BRD7: variants seen among roughly 807,000 people sequenced by gnomAD.
The protein encoded by BRD7 is bromodomain-containing protein 7.
In BRD7, 15 loss-of-function variants were observed where a neutral mutation model predicts 82.1. The ratio of observed to expected loss-of-function variants is 0.18; its 90% CI spans 0.12 to 0.28. The LOEUF is 0.28. Ranked by LOEUF, BRD7 falls within the 10% of genes least tolerant of loss-of-function variation. The pLI is 1.00. For synonymous variants in BRD7, 232 were observed against 266.9 expected (o/e 0.87, Z 1.27); for missense variants, 638 against 779.9 (o/e 0.82, Z 2.17).
At chr16:50,355,978 C>CA (rs1485078538) in intron 2 of BRD7, among the ~76,000 whole-genome samples, 1 of 151,644 alleles carries the variant, frequency 6.6e-6, no homozygotes, top group Non-Finnish European at 1.5e-5. Context: ...TGCAAAAAGG[C>CA]AAAAAATCCA....
intron 2 of BRD7, among the ~76,000 whole-genome samples, chr16:50,359,706 C>T (rs776156484): frequency 1.3e-5 from 2 of 152,152 alleles, no homozygotes; most frequent in Non-Finnish European, 2.9e-5. Flanking sequence ...CCCACTGCTT[C>T]ACTTGACTAG....
intron 5 of BRD7, 59 bp downstream of exon 5, chr16:50,349,964 T>C (rs1366558552): frequency 2.2e-6 from 3 of 1,375,230 alleles, no homozygotes. Context: ...AGAAAGATTC[T>C]GAATATCAGA....
chr16:50,321,417 T>G (rs2037097221), intron 13 of BRD7, among the ~76,000 whole-genome samples: 1 of 150,984 alleles, frequency 6.6e-6, no homozygotes, highest in South Asian at 2.1e-4. Flanking sequence ...AAAAAAAAAA[T>G]TTAGCTGGGC....
intron 4 of BRD7, 95 bp from the exon 5 acceptor site, chr16:50,350,262 C>G (rs1226040419): frequency 1.1e-6 from 1 of 881,022 alleles, no homozygotes; most frequent in African/African-American, 1.8e-5. Flanking sequence ...CCTTCAGATG[C>G]AGAAAGAATT....
rs986855930 is a variant in BRD7 at position 50,317,014 on chromosome 16, G to C, written c.*2197C>G. The C allele has an allele frequency of 3.9e-5, 6 of 152,674 alleles. No homozygotes were observed. The highest frequency in any genetic ancestry group is 1.2e-4 in the African/African-American group (5 of 41,288). 9.5% of individuals were successfully genotyped at this position (152,674 alleles called of 1,614,324 possible). A position where few individuals can be genotyped will look rare whatever the true frequency, so the allele number is the denominator to read the frequency against. On this transcript the variant is annotated 3_prime_UTR_variant, in exon 17 of 17. Transcript: ENST00000394688. The stretch of plus-strand genomic sequence containing the variant: ...ACCAGACTTGTTGGGGTCCTGGGAT[G>C]AGTTGCCCCGGGCTGCAAATTAAGA...
chr16:50,325,900 AT>A lies in BRD7; in HGVS notation c.1196-18del. The A allele has an allele frequency of 1.3e-6, 2 of 1,581,140 alleles. No individual in the cohort carries two copies. Among genetic ancestry groups the A allele is most frequent in the Middle Eastern group, 1.7e-4 (1 of 5,920 alleles). The stretch of plus-strand genomic sequence containing the variant: ...AATATAACACTGTTGAAAAAATCAA[AT>A]ACTGTAACACTATTCTTTAACTTGC... On this transcript the variant is annotated intron_variant, in intron 10 of 16. Transcript: ENST00000394688.
intron 4 of BRD7, among the ~76,000 whole-genome samples, chr16:50,352,594 A>AT (rs1409701728): frequency 1.3e-5 from 2 of 151,658 alleles, no homozygotes; most frequent in Admixed American, 1.3e-4. Flanking sequence ...TGGTAGTTCT[A>AT]TTTTTAATTT....
intron 2 of BRD7, 150 bp downstream of exon 2, chr16:50,367,940 G>A: frequency 1.3e-6 from 1 of 796,324 alleles, no homozygotes; most frequent in Non-Finnish European, 2.1e-6. Flanking sequence ...ACTCATAGAT[G>A]ATTCATGTCT....
intron 4 of BRD7, among the ~76,000 whole-genome samples, chr16:50,353,700 TCTC>T: frequency 6.6e-6 from 1 of 151,378 alleles, no homozygotes. Flanking sequence ...TTCACACCAT[TCTC>T]CTGCCTCAGC....
At chr16:50,356,714 GAA>G (rs536117005) in intron 2 of BRD7, among the ~76,000 whole-genome samples, 1,812 of 121,098 alleles carry the variant, frequency 0.015, 33 homozygotes, top group African/African-American at 0.043. Context: ...TTCCTTAGGG[GAA>G]AAAAAAAATA....
At position 50,326,407 on chromosome 16, in the gene BRD7, G is replaced by A; in HGVS notation, c.1088-16C>T. ...TAGCCTGGCTCTACAACATAAAACA[G>A]AGCACAGTGAAGGAGGCCTACATGG... On this transcript the variant is annotated splice_polypyrimidine_tract_variant and intron_variant, in intron 9 of 16. Transcript: ENST00000394688. The A allele has an allele frequency of 6.6e-7, 1 of 1,523,256 alleles. No homozygotes were observed. The highest frequency in any genetic ancestry group is 8.9e-7 in the Non-Finnish European group (1 of 1,127,438). 94.4% of individuals were successfully genotyped at this position (1,523,256 alleles called of 1,614,324 possible). A position where few individuals can be genotyped will look rare whatever the true frequency, so the allele number is the denominator to read the frequency against.
At chr16:50,363,865 G>C (rs941059300) in intron 2 of BRD7, among the ~76,000 whole-genome samples, 5 of 152,038 alleles carry the variant, frequency 3.3e-5, no homozygotes, top group African/African-American at 1.2e-4. Context: ...GGACCAGCCT[G>C]GACAACATAG....
intron 6 of BRD7, among the ~76,000 whole-genome samples, chr16:50,337,331 G>T (rs2037849130): frequency 1.4e-5 from 2 of 145,794 alleles, no homozygotes; most frequent in Admixed American, 1.4e-4. Flanking sequence ...CGTGATCTTG[G>T]CTCACCACAA....
rs1344345768 is a variant in BRD7, at chr16:50,316,243, G to A, written c.*2968C>T. On this transcript the variant is annotated 3_prime_UTR_variant, in exon 17 of 17. Transcript: ENST00000394688. Reference sequence around the variant, plus strand: ...GGACTACTGTCTAGCATCAGCTTATGGGGTCAGCTGGCTGTGGGGATAGAG... The same window carrying A: ...GGACTACTGTCTAGCATCAGCTTATAGGGTCAGCTGGCTGTGGGGATAGAG... 1 of 152,400 alleles carries A rather than the reference G, an allele frequency of 6.6e-6. No individual in the cohort carries two copies. The highest frequency in any genetic ancestry group is 2.4e-5 in the African/African-American group (1 of 41,450). The allele number at this position is 152,400 out of a possible 1,614,324, so 9.4% of individuals were successfully genotyped here.
In BRD7 at chr16:50,316,161, CAT is replaced by C. The variant is rs2036789708; in HGVS notation, c.*3048_*3049del. The C allele has an allele frequency of 6.6e-6, 1 of 152,604 alleles. No individual in the cohort carries two copies. The allele number at this position is 152,604 out of a possible 1,614,324, so 9.5% of individuals were successfully genotyped here. ...TTTGAATGACTTTTCAGACACTAGA[CAT>C]AAATCTCTTCCCTCCAGTGTATGCT... On this transcript the variant is annotated 3_prime_UTR_variant, in exon 17 of 17. Transcript: ENST00000394688.
intron 15 of BRD7, 32 bp from the exon 16 acceptor site, chr16:50,320,062 A>G: frequency 6.3e-7 from 1 of 1,585,256 alleles, no homozygotes; most frequent in Non-Finnish European, 8.6e-7. Context: ...CAGATACTAA[A>G]GCATGGTTCC....
intron 5 of BRD7, among the ~76,000 whole-genome samples, chr16:50,344,264 C>G (rs2038192487): frequency 6.6e-6 from 1 of 152,148 alleles, no homozygotes; most frequent in Non-Finnish European, 1.5e-5. Flanking sequence ...CTGTATGTCA[C>G]CATCATCAAA....
Position 50,368,314 on chromosome 16 carries a change from G to C in BRD7, c.50-16C>G, listed in dbSNP as rs551519955. 1 of 1,609,060 alleles carries C rather than the reference G, an allele frequency of 6.2e-7. No homozygotes were observed. The highest frequency in any genetic ancestry group is 1.7e-4 in the Middle Eastern group (1 of 6,030). On this transcript the variant is annotated splice_polypyrimidine_tract_variant and intron_variant, in intron 1 of 16. Coordinates refer to ENST00000394688, the MANE Select transcript of BRD7 (RefSeq NM_013263.5). ...TCTACATACTCTTAAAAAAAGAAAA[G>C]AAAAGAAAGGAAAGCGCGTCGATTA...
In BRD7 at chr16:50,368,565, CACGGGGGGCAGCGCGGCCTCCGGCAGG is replaced by C. The variant is rs2039245528; in HGVS notation, c.49+134_49+160del. ...GACCCGGGTTCGAATGCCGCGGCCG[CACGGGGGGCAGCGCGGCCTCCGGCAGG>C]ACGCGCCCCCTTCGCCGGCCTGGGC... is the stretch of plus-strand genomic sequence containing the variant. On this transcript the variant is annotated intron_variant, in intron 1 of 16. Coordinates refer to ENST00000394688, the MANE Select transcript of BRD7 (RefSeq NM_013263.5). The C allele has an allele frequency of 5.1e-6, 4 of 787,710 alleles. No individual in the cohort carries two copies. The South Asian group carries it at 1.0e-4, about 21-fold the overall frequency. 48.8% of individuals were successfully genotyped at this position (787,710 alleles called of 1,614,324 possible).
Sources: allele counts gnomAD v4.1 joint callset (sites outside exome capture counted in the v4.1 genomes callset), GRCh38; gene constraint gnomAD v4.1.1; transcripts MANE v1.5; gene names NCBI Gene and HGNC (gene_info 2026-07-23, HGNC 2026-07-21).